SUMF1: variants seen among roughly 807,000 people sequenced by gnomAD.
SUMF1 encodes sulfatase modifying factor 1.
In SUMF1, 48 loss-of-function variants were observed where a neutral mutation model predicts 47.6. That is an observed-to-expected ratio of 1.01 (90% confidence interval 0.80 to 1.28). The LOEUF (loss-of-function observed/expected upper bound fraction) is 1.28, where lower values mean the gene tolerates loss of function less well. Ranked by LOEUF, SUMF1 falls within the 50% of genes most tolerant of loss-of-function variation. The pLI, the probability that SUMF1 is intolerant of heterozygous loss-of-function variation, is 0.00. For missense variants in SUMF1, 571 were observed against 485.4 expected, an observed-to-expected ratio of 1.18 and a Z score of -1.66; for synonymous variants, 230 against 192.1, an observed-to-expected ratio of 1.20 and a Z score of -1.63.
intron 8 of SUMF1, among the ~76,000 whole-genome samples, chr3:4,368,370 C>G (rs1423851197): frequency 1.3e-5 from 2 of 152,226 alleles, no homozygotes; most frequent in African/African-American, 2.4e-5. Flanking sequence ...GAAATAGAGA[C>G]ACTTTTGCAC....
At chr3:4,044,198 C>G (rs1694965188) in intron 9 of SUMF1, among the ~76,000 whole-genome samples, 1 of 152,084 alleles carries the variant, frequency 6.6e-6, no homozygotes, top group South Asian at 2.1e-4. Context: ...ACCAAAAGCA[C>G]CCAAGAGCTG....
rs191161415 is a variant in SUMF1, at chr3:4,432,724, C to T, written c.520-12578G>A. Among the ~76,000 whole-genome samples, 484 of 152,328 alleles carry T rather than the reference C, an allele frequency of 3.2e-3. 1 individual carries two copies. The highest frequency in any genetic ancestry group is 0.024 in the Middle Eastern group (7 of 294). The stretch of plus-strand genomic sequence containing the variant: ...TTATTTGAATCGCAGTCCGTCATCA[C>T]AGTCAGTTATAAATTTACCTGTTTA... On this transcript the variant is annotated intron_variant, in intron 3 of 8. Coordinates refer to ENST00000272902, the MANE Select transcript of SUMF1 (RefSeq NM_182760.4).
At chr3:4,257,980 T>C (rs1421610511) in intron 8 of SUMF1, among the ~76,000 whole-genome samples, 2 of 152,066 alleles carry the variant, frequency 1.3e-5, no homozygotes, top group South Asian at 2.1e-4. Context: ...TATCTGATCT[T>C]TGACAAACCT....
At chr3:4,036,572 T>A (rs2125014113) in intron 9 of SUMF1, among the ~76,000 whole-genome samples, 1 of 150,372 alleles carries the variant, frequency 6.7e-6, no homozygotes, top group African/African-American at 2.4e-5. Context: ...TTCTCACTCC[T>A]CACTTCCATT....
intron 8 of SUMF1, among the ~76,000 whole-genome samples, chr3:4,275,449 G>T (rs902349197): frequency 6.6e-6 from 1 of 152,068 alleles, no homozygotes; most frequent in Non-Finnish European, 1.5e-5. Flanking sequence ...GCAGAAGAGG[G>T]ATGGTCTCTT....
chr3:4,463,520 C>G (rs2079866232), intron 1 of SUMF1, among the ~76,000 whole-genome samples: 2 of 152,142 alleles, frequency 1.3e-5, no homozygotes, highest in African/African-American at 4.8e-5. Context: ...CAAAAAAACA[C>G]TAGCACCATA....
At chr3:4,068,292 A>G (rs566476196) in intron 9 of SUMF1, among the ~76,000 whole-genome samples, 1 of 152,104 alleles carries the variant, frequency 6.6e-6, no homozygotes, top group Non-Finnish European at 1.5e-5. Flanking sequence ...TTCACCCCCA[A>G]TCCTGAGCCA....
intron 8 of SUMF1, among the ~76,000 whole-genome samples, chr3:4,159,510 T>C (rs1216692426): frequency 6.6e-6 from 1 of 151,926 alleles, no homozygotes; most frequent in Non-Finnish European, 1.5e-5. Context: ...GTACTATGTC[T>C]CAAAAAGTTG....
At chr3:4,046,052 T>C (rs1457700328) in intron 9 of SUMF1, among the ~76,000 whole-genome samples, 1 of 151,466 alleles carries the variant, frequency 6.6e-6, no homozygotes, top group African/African-American at 2.4e-5. Flanking sequence ...GCTTGTCTCT[T>C]AAAAAAGAAA....
chr3:4,381,864 G>A (rs1700514789), intron 7 of SUMF1, among the ~76,000 whole-genome samples: 1 of 152,176 alleles, frequency 6.6e-6, no homozygotes, highest in Admixed American at 6.5e-5. Flanking sequence ...TGGGCAACAT[G>A]GTGAAACCTC....
intron 1 of SUMF1, among the ~76,000 whole-genome samples, chr3:4,459,174 A>G (rs2079744637): frequency 6.6e-6 from 1 of 152,214 alleles, no homozygotes; most frequent in Non-Finnish European, 1.5e-5. Context: ...CGCAATTATT[A>G]AAAAATAGAT....
intron 8 of SUMF1, among the ~76,000 whole-genome samples, chr3:4,212,983 A>G (rs1695832324): frequency 6.6e-6 from 1 of 152,164 alleles, no homozygotes; most frequent in Admixed American, 6.5e-5. Context: ...GTTGGAAAAC[A>G]CTCTTCAGGA....
chr3:4,405,893 T>G (rs1190385905), intron 7 of SUMF1, among the ~76,000 whole-genome samples: 1 of 152,194 alleles, frequency 6.6e-6, no homozygotes, highest in Admixed American at 6.5e-5. Flanking sequence ...TGACTGGGCT[T>G]TGATGATCCA....
At chr3:4,217,514 T>TTATATATATA (rs370463309) in intron 8 of SUMF1, among the ~76,000 whole-genome samples, 4 of 45,202 alleles carry the variant, frequency 8.8e-5, no homozygotes, top group East Asian at 6.4e-4. Flanking sequence ...AAAGTATTTT[T>TTATATATATA]TATATATATA....
At chr3:4,223,531 C>A (rs1380317218) in intron 8 of SUMF1, among the ~76,000 whole-genome samples, 1 of 152,054 alleles carries the variant, frequency 6.6e-6, no homozygotes, top group Non-Finnish European at 1.5e-5. Flanking sequence ...GCTACCACTA[C>A]TTCCACACTG....
intron 8 of SUMF1, chr3:4,313,867 C>A: frequency 6.5e-7 from 1 of 1,543,464 alleles, no homozygotes. Context: ...AGGAATGTGG[C>A]AGAGACTGCA....
At chr3:4,417,087 C>T in intron 6 of SUMF1, 41 bp downstream of exon 6, 2 of 1,596,066 alleles carry the variant, frequency 1.3e-6, no homozygotes, top group Non-Finnish European at 1.7e-6. Flanking sequence ...AGCCTCAGTT[C>T]TCAGCAGCTG....
At chr3:4,041,380 T>C (rs1175799790) in intron 9 of SUMF1, among the ~76,000 whole-genome samples, 3 of 152,220 alleles carry the variant, frequency 2.0e-5, no homozygotes, top group African/African-American at 7.2e-5. Context: ...TCAACCATTC[T>C]TTATGATGAT....
At chr3:4,322,303 T>G (rs1396007017) in intron 8 of SUMF1, among the ~76,000 whole-genome samples, 3 of 152,090 alleles carry the variant, frequency 2.0e-5, no homozygotes, top group Non-Finnish European at 4.4e-5. Flanking sequence ...TGTAATGATA[T>G]GTATAATATC....
Sources: allele counts gnomAD v4.1 joint callset (sites outside exome capture counted in the v4.1 genomes callset), GRCh38; gene constraint gnomAD v4.1.1; transcripts MANE v1.5; gene names NCBI Gene and HGNC (gene_info 2026-07-23, HGNC 2026-07-21).